CDC42SE2: variants seen among roughly 807,000 people sequenced by gnomAD.
The protein encoded by CDC42SE2 is CDC42 small effector 2.
A neutral mutation model predicts 11.5 loss-of-function variants in CDC42SE2; 3 were observed. That is an observed-to-expected ratio of 0.26 (90% confidence interval 0.12 to 0.67). The LOEUF is 0.67. Ranked by LOEUF, CDC42SE2 falls within the 30% of genes least tolerant of loss-of-function variation. The pLI is 0.80. For synonymous variants in CDC42SE2, 33 were observed against 34.8 expected, an observed-to-expected ratio of 0.95 and a Z score of 0.18; for missense variants, 82 against 106.8, an observed-to-expected ratio of 0.77 and a Z score of 1.02.
At chr5:131,315,115 C>T (rs949653414) in intron 1 of CDC42SE2, among the ~76,000 whole-genome samples, 8 of 151,322 alleles carry the variant, frequency 5.3e-5, no homozygotes, top group African/African-American at 7.3e-5. Flanking sequence ...GTTGAGATGA[C>T]GAAGACTGAG....
At chr5:131,239,307 T>A in the CDC42SE2 span, among the ~76,000 whole-genome samples, 1 of 151,736 alleles carries the variant, frequency 6.6e-6, no homozygotes, top group African/African-American at 2.4e-5. Context: ...CGTGGCAGCT[T>A]ATGCATGTAA....
At chr5:131,332,654 A>G (rs920512870) in intron 2 of CDC42SE2, among the ~76,000 whole-genome samples, 13 of 152,108 alleles carry the variant, frequency 8.5e-5, no homozygotes, top group African/African-American at 3.1e-4. Flanking sequence ...TTTAATGATC[A>G]CCATTCTAAC....
At chr5:131,227,220 T>C in the CDC42SE2 span, among the ~76,000 whole-genome samples, 3 of 152,030 alleles carry the variant, frequency 2.0e-5, no homozygotes, top group Non-Finnish European at 4.4e-5. Context: ...GCTATGATTA[T>C]GCCAATGCAC....
chr5:131,347,375 A>T (rs936908822), intron 2 of CDC42SE2, among the ~76,000 whole-genome samples: 14 of 152,230 alleles, frequency 9.2e-5, no homozygotes, highest in Admixed American at 7.9e-4. Flanking sequence ...AAACACCTCT[A>T]TGCAAATAAA....
chr5:131,345,407 A>C (rs1313949224), intron 2 of CDC42SE2, among the ~76,000 whole-genome samples: 1 of 152,156 alleles, frequency 6.6e-6, no homozygotes, highest in African/African-American at 2.4e-5. Context: ...GGTATCAGTG[A>C]TTGAAGATCA....
chr5:131,385,676 C>A, intron 4 of CDC42SE2, 32 bp downstream of exon 4: 3 of 1,349,016 alleles, frequency 2.2e-6, no homozygotes, highest in Non-Finnish European at 3.2e-6. Flanking sequence ...GCAGGTAGGG[C>A]ATTGGGGCAT....
intron 3 of CDC42SE2, among the ~76,000 whole-genome samples, chr5:131,361,470 CG>C (rs1198967606): frequency 1.3e-5 from 2 of 152,112 alleles, no homozygotes; most frequent in African/African-American, 4.8e-5. Flanking sequence ...AGCATACAGA[CG>C]GGGAGCTGTG....
rs113543756 is a variant in CDC42SE2, at chr5:131,344,187, C to T, written c.-285-15022C>T. Reference sequence around the variant, plus strand: ...CTTGTCAGACAGTGGGTGCAGCCCACGGAGCAGGGCGGGGCATCGCCTCAC... The same window carrying T: ...CTTGTCAGACAGTGGGTGCAGCCCATGGAGCAGGGCGGGGCATCGCCTCAC... On this transcript the variant is annotated intron_variant, in intron 2 of 4. Transcript: ENST00000505065. Among the ~76,000 whole-genome samples, 294 of 151,444 alleles carry T rather than the reference C, an allele frequency of 1.9e-3. 1 individual carries two copies. Among genetic ancestry groups the T allele is most frequent in the South Asian group, 7.3e-3 (35 of 4,820 alleles).
the CDC42SE2 span, among the ~76,000 whole-genome samples, chr5:131,228,819 A>C: frequency 6.6e-6 from 1 of 152,192 alleles, no homozygotes; most frequent in African/African-American, 2.4e-5. Flanking sequence ...GAGCACATGC[A>C]CCAAGGAAGG....
upstream of CDC42SE2, among the ~76,000 whole-genome samples, chr5:131,259,773 T>C (rs1233910727): frequency 6.6e-6 from 1 of 152,260 alleles, no homozygotes; most frequent in Non-Finnish European, 1.5e-5. Context: ...CTACTTTGAA[T>C]GTAGTTATCT....
At chr5:131,321,920 G>A (rs1055316081) in intron 2 of CDC42SE2, among the ~76,000 whole-genome samples, 3 of 152,098 alleles carry the variant, frequency 2.0e-5, no homozygotes, top group Non-Finnish European at 2.9e-5. Context: ...ACGCGATGTC[G>A]GCTCACTGCA....
intron 1 of CDC42SE2, among the ~76,000 whole-genome samples, chr5:131,302,058 A>G (rs976716377): frequency 1.9e-4 from 29 of 152,054 alleles, no homozygotes; most frequent in African/African-American, 6.8e-4. Context: ...CCAGACTGCA[A>G]TGCGGTGACG....
the CDC42SE2 span, among the ~76,000 whole-genome samples, chr5:131,212,019 A>C: frequency 1.2e-3 from 176 of 152,214 alleles, no homozygotes; most frequent in Non-Finnish European, 1.9e-3. Context: ...TAGCTCAAAA[A>C]AATAAATAAA....
intron 1 of CDC42SE2, among the ~76,000 whole-genome samples, chr5:131,269,376 A>G (rs546934991): frequency 8.5e-5 from 13 of 152,182 alleles, no homozygotes; most frequent in Non-Finnish European, 1.6e-4. Flanking sequence ...CTAAATTATG[A>G]GCCCTGATAT....
At chr5:131,269,099 C>G (rs1038491823) in intron 1 of CDC42SE2, among the ~76,000 whole-genome samples, 10 of 152,026 alleles carry the variant, frequency 6.6e-5, no homozygotes, top group Non-Finnish European at 1.2e-4. Context: ...TACCTTGGTT[C>G]AAAGCTTAAG....
chr5:131,286,385 G>GTTTTTTT (rs33983324), intron 1 of CDC42SE2, among the ~76,000 whole-genome samples: 1 of 115,086 alleles, frequency 8.7e-6, no homozygotes, highest in African/African-American at 3.4e-5. Context: ...CACCTGGCCA[G>GTTTTTTT]TTTTTTTTTT....
At chr5:131,374,316 AGG>A (rs1750089720) in intron 3 of CDC42SE2, among the ~76,000 whole-genome samples, 1 of 152,146 alleles carries the variant, frequency 6.6e-6, no homozygotes. Flanking sequence ...AGGCCAAGGC[AGG>A]TGGATCACGA....
intron 4 of CDC42SE2, among the ~76,000 whole-genome samples, chr5:131,388,062 A>G (rs1001133327): frequency 2.6e-5 from 4 of 152,050 alleles, no homozygotes; most frequent in Non-Finnish European, 4.4e-5. Flanking sequence ...CAGTGGTGCA[A>G]TCTCAGCTCA....
intron 1 of CDC42SE2, among the ~76,000 whole-genome samples, chr5:131,309,287 G>A (rs1757847149): frequency 6.6e-6 from 1 of 150,720 alleles, no homozygotes; most frequent in East Asian, 1.9e-4. Context: ...TGCATCCCAG[G>A]GATGAAGCCC....
Sources: allele counts gnomAD v4.1 joint callset (sites outside exome capture counted in the v4.1 genomes callset), GRCh38; gene constraint gnomAD v4.1.1; transcripts MANE v1.5; gene names NCBI Gene and HGNC (gene_info 2026-07-23, HGNC 2026-07-21).